The following YPEL1 variants were observed in gnomAD, a reference collection of about 807,000 sequenced individuals.
YPEL1 encodes protein yippee-like 1.
YPEL1 carries 7 observed loss-of-function variants against 17.3 expected under a neutral mutation model. The ratio of observed to expected loss-of-function variants is 0.40; its 90% CI spans 0.23 to 0.76. The LOEUF is 0.76. Ranked by LOEUF, YPEL1 falls within the 30% of genes least tolerant of loss-of-function variation. The pLI is 0.35. For missense variants in YPEL1, 91 were observed against 155.5 expected (o/e 0.59, Z 2.21); for synonymous variants, 59 against 59.6 (o/e 0.99, Z 0.05).
At chr22:21,720,390 G>A (rs532986113) in intron 1 of YPEL1, among the ~76,000 whole-genome samples, 1 of 151,712 alleles carries the variant, frequency 6.6e-6, no homozygotes, top group South Asian at 2.1e-4. Context: ...TTGTAGAGAT[G>A]GGGTCTCACT....
chr22:21,704,106 C>T (rs759422425), intron 2 of YPEL1: 14 of 719,044 alleles, frequency 1.9e-5, no homozygotes, highest in South Asian at 1.6e-4. Context: ...GATTCTGCTG[C>T]GTCAACATTC....
At chr22:21,706,156 C>T (rs861811) in intron 2 of YPEL1, among the ~76,000 whole-genome samples, 18,216 of 150,754 alleles carry the variant, frequency 0.12, 1,426 homozygotes, top group Non-Finnish European at 0.17. Context: ...AAAGGCTGGG[C>T]GCGGTGGTTC....
At chr22:21,715,761 C>CT (rs746097162) in intron 1 of YPEL1, among the ~76,000 whole-genome samples, 13 of 85,770 alleles carry the variant, frequency 1.5e-4, no homozygotes, top group South Asian at 1.3e-3. Flanking sequence ...TTTTTCTTTT[C>CT]TTTTTTTTTT....
intron 2 of YPEL1, among the ~76,000 whole-genome samples, chr22:21,706,810 G>A (rs144642427): frequency 0.012 from 1,788 of 152,168 alleles, 32 homozygotes; most frequent in African/African-American, 0.041. Flanking sequence ...TTATGCCATT[G>A]TACTCCAGCC....
intron 1 of YPEL1, among the ~76,000 whole-genome samples, chr22:21,716,233 G>C (rs963873942): frequency 6.6e-6 from 1 of 152,226 alleles, no homozygotes; most frequent in Non-Finnish European, 1.5e-5. Context: ...TTAAAAAAGA[G>C]GTGACTTAAG....
At chr22:21,709,057 G>GA (rs141855455) in intron 2 of YPEL1, among the ~76,000 whole-genome samples, 8,265 of 152,192 alleles carry the variant, frequency 0.054, 262 homozygotes, top group South Asian at 0.11. Flanking sequence ...ATGTAGCAAG[G>GA]AACACACCTG....
chr22:21,709,922 G>T (rs1387376388), intron 2 of YPEL1, among the ~76,000 whole-genome samples: 1 of 151,348 alleles, frequency 6.6e-6, no homozygotes, highest in Non-Finnish European at 1.5e-5. Context: ...GTATGAGGAT[G>T]CGGGGAGTTC....
chr22:21,724,811 C>T (rs1274100275), intron 1 of YPEL1, among the ~76,000 whole-genome samples: 1 of 152,022 alleles, frequency 6.6e-6, no homozygotes, highest in Non-Finnish European at 1.5e-5. Flanking sequence ...AAACTCCTGG[C>T]TCGGGCCATC....
chr22:21,704,658 GAA>G (rs34942655), intron 2 of YPEL1, among the ~76,000 whole-genome samples: 329 of 88,146 alleles, frequency 3.7e-3, no homozygotes, highest in Middle Eastern at 0.017. Context: ...ACCCCGTCTC[GAA>G]AAAAAAAAAA....
intron 2 of YPEL1, among the ~76,000 whole-genome samples, chr22:21,709,748 TG>T (rs34821174): frequency 6.6e-6 from 1 of 150,944 alleles, no homozygotes; most frequent in Non-Finnish European, 1.5e-5. Context: ...GACCTGAGGA[TG>T]GGGGGAGGTC....
At chr22:21,724,908 CTTTCTTTTT>C (rs566059189) in intron 1 of YPEL1, among the ~76,000 whole-genome samples, 167 of 150,312 alleles carry the variant, frequency 1.1e-3, no homozygotes, top group African/African-American at 4.0e-3. Flanking sequence ...TTTACTTTTT[CTTTCTTTTT>C]TTTTTTTGAA....
chr22:21,710,392 G>A (rs2068152740), intron 2 of YPEL1: 1 of 564,156 alleles, frequency 1.8e-6, no homozygotes, highest in Non-Finnish European at 3.2e-6. Flanking sequence ...ATCCCTGGGA[G>A]TGCCAGCTGC....
At chr22:21,713,154 T>C (rs553076187) in intron 1 of YPEL1, among the ~76,000 whole-genome samples, 2 of 152,242 alleles carry the variant, frequency 1.3e-5, no homozygotes, top group South Asian at 2.1e-4. Context: ...GCCTTGTGCA[T>C]TGAGGGTAAA....
In YPEL1 at chr22:21,703,918, T is replaced by G. The variant is rs1392138168; in HGVS notation, c.118-36A>C. The G allele has an allele frequency of 1.9e-6, 3 of 1,571,562 alleles. No individual in the cohort carries two copies. The highest frequency in any genetic ancestry group is 2.6e-6 in the Non-Finnish European group (3 of 1,158,916). ...AAGGTCCCGTGAGATTGGCTGCGAG[T>G]GCTTTCTGGAACGAAGCGGTGCTGC... On this transcript the variant is annotated intron_variant, in intron 2 of 4. Coordinates refer to ENST00000339468, the MANE Select transcript of YPEL1 (RefSeq NM_013313.5). The surrounding 1 kb of genome is among the most constrained non-coding windows in gnomAD (Gnocchi z 6.1).
intron 2 of YPEL1, 22 bp downstream of exon 2, chr22:21,710,606 T>C (rs2068154811): frequency 6.3e-7 from 1 of 1,585,520 alleles, no homozygotes; most frequent in African/African-American, 1.3e-5. Flanking sequence ...GTGCCATCAA[T>C]TTTTTGGCAT....
At position 21,703,471 on chromosome 22, in the gene YPEL1, C is replaced by T. The variant is rs1180827808; in HGVS notation, c.169G>A (p.Val57Met). 3.7e-6 allele frequency: 6 copies of T among 1,609,174 alleles called. No individual in the cohort carries two copies. In the East Asian group the frequency reaches 6.7e-5, roughly 18 times the overall value. The change falls in exon 4 of 5, where the codon GTG becomes ATG. Residue 57 changes from valine (V) to methionine (M), a missense_variant. Val to Met is a conservative substitution (Grantham distance 21, BLOSUM62 1). Transcript: ENST00000339468. The surrounding 1 kb of genome is among the most constrained non-coding windows in gnomAD (Gnocchi z 6.1). ...RAYLFNSVVN[V>M]GCGPAEERVL... The stretch of plus-strand genomic sequence containing the variant: ...CTCTCCTCTGCAGGGCCGCAGCCCA[C>T]GTTCACCCTGCGGGGACAGAGGGGC...
At chr22:21,706,299 C>A (rs1323750224) in intron 2 of YPEL1, among the ~76,000 whole-genome samples, 1 of 142,566 alleles carries the variant, frequency 7.0e-6, no homozygotes, top group Non-Finnish European at 1.5e-5. Flanking sequence ...CATGGTGGTG[C>A]GTGCCTATAA....
intron 1 of YPEL1, among the ~76,000 whole-genome samples, chr22:21,720,975 A>AT (rs571715345): frequency 1.9e-3 from 274 of 143,184 alleles, no homozygotes; most frequent in African/African-American, 6.9e-3. Context: ...CACCCAGCTA[A>AT]TTTTTTTGTA....
chr22:21,708,216 G>A (rs1332147285), intron 2 of YPEL1, among the ~76,000 whole-genome samples: 2 of 151,938 alleles, frequency 1.3e-5, no homozygotes. Flanking sequence ...ACCCATGGAG[G>A]CACGAGGTCT....
Sources: allele counts gnomAD v4.1 joint callset (sites outside exome capture counted in the v4.1 genomes callset), GRCh38; gene constraint gnomAD v4.1.1; non-coding constraint Gnocchi (gnomAD v3.1); transcripts MANE v1.5; gene names NCBI Gene and HGNC (gene_info 2026-07-23, HGNC 2026-07-21).